Variants in ASS1 observed in about 807,000 individuals in gnomAD.
ASS1 encodes argininosuccinate synthase 1, also known as argininosuccinate synthase.
ASS1 carries 58 observed loss-of-function variants against 60.5 expected under a neutral mutation model. The ratio of observed to expected loss-of-function variants is 0.96; its 90% CI spans 0.78 to 1.19. The LOEUF (loss-of-function observed/expected upper bound fraction) is 1.19. ASS1 is among the 50% of genes most tolerant of loss of function. The pLI is 0.00. For missense variants in ASS1, 454 were observed against 547.3 expected, an observed-to-expected ratio of 0.83 and a Z score of 1.70; for synonymous variants, 200 against 206.9, an observed-to-expected ratio of 0.97 and a Z score of 0.29.
intron 2 of ASS1, among the ~76,000 whole-genome samples, chr9:130,452,816 C>T (rs1020093850): frequency 8.5e-5 from 13 of 152,122 alleles, no homozygotes; most frequent in Non-Finnish European, 1.8e-4. Flanking sequence ...TGTGTGAAGC[C>T]ACTTCCTCAT....
Position 130,478,583 on chromosome 9 carries a change from A to G in ASS1, c.689-1133A>G, listed in dbSNP as rs1007594026. Among the ~76,000 whole-genome samples the G allele has an allele frequency of 1.3e-5, 2 of 152,214 alleles. No homozygotes were observed. The highest frequency in any genetic ancestry group is 4.8e-5 in the African/African-American group (2 of 41,454). On this transcript the variant is annotated intron_variant, in intron 9 of 14. Transcript: ENST00000352480. This position sits in a 1 kb window ranked among gnomAD's most constrained non-coding sequence, Gnocchi z 4.7. Reference sequence around the variant, plus strand: ...TTAATTTATTTGAAGTTTTAATCTAATTATTAACTATTTTAAAGGCTAAGA... The same window carrying G: ...TTAATTTATTTGAAGTTTTAATCTAGTTATTAACTATTTTAAAGGCTAAGA...
intron 13 of ASS1, among the ~76,000 whole-genome samples, chr9:130,498,861 C>A (rs1233610220): frequency 6.6e-6 from 1 of 152,128 alleles, no homozygotes; most frequent in Non-Finnish European, 1.5e-5. Context: ...GCTGGTGAGT[C>A]TGAGAGGTGG....
At position 130,452,219 on chromosome 9, in the gene ASS1, G is replaced by T. The variant is rs775002813; in HGVS notation, c.-5-5G>T. On this transcript the variant is annotated splice_region_variant and splice_polypyrimidine_tract_variant and intron_variant, in intron 1 of 14. Coordinates refer to ENST00000352480, the MANE Select transcript of ASS1 (RefSeq NM_054012.4). ...TCACTCAGGTTGTTCCTCGACTCCC[G>T]CCAGACGCTATGTCCAGCAAAGGCT... 2 of 1,613,696 alleles carry T rather than the reference G, an allele frequency of 1.2e-6. No homozygotes were observed. The highest frequency in any genetic ancestry group is 3.3e-5 in the Admixed American group (2 of 59,982).
chr9:130,462,578 C>A lies in ASS1; in HGVS notation c.364-1533C>A, dbSNP rs368996233. On this transcript the variant is annotated intron_variant, in intron 4 of 14. Transcript: ENST00000352480. ...CTGGATGGGCAGACAGCAGCCCAGC[C>A]GTGCCTGGCTGGTGAGGCACAAGCC... Among the ~76,000 whole-genome samples the A allele has an allele frequency of 4.6e-5, 7 of 152,288 alleles. No homozygotes were observed. The East Asian group carries it at 1.4e-3, about 29-fold the overall frequency.
intron 11 of ASS1, among the ~76,000 whole-genome samples, chr9:130,483,490 A>G (rs1846219775): frequency 6.7e-6 from 1 of 148,310 alleles, no homozygotes; most frequent in African/African-American, 2.5e-5. Flanking sequence ...GGCTGTTCAC[A>G]TGTCATTATC....
intron 8 of ASS1, among the ~76,000 whole-genome samples, chr9:130,474,391 G>A (rs1253892319): frequency 1.3e-5 from 2 of 152,104 alleles, no homozygotes; most frequent in Non-Finnish European, 2.9e-5. Context: ...TTCGGTCTGG[G>A]GCTCCCTCAG....
At chr9:130,454,987 T>C (rs1212195039) in intron 3 of ASS1, among the ~76,000 whole-genome samples, 9 of 123,004 alleles carry the variant, frequency 7.3e-5, no homozygotes, top group African/African-American at 1.3e-4. Flanking sequence ...CTCCGTCCAT[T>C]CATCCATCAT....
intron 12 of ASS1, among the ~76,000 whole-genome samples, chr9:130,492,971 G>A (rs1846485219): frequency 1.3e-5 from 2 of 152,136 alleles, no homozygotes. Context: ...TAAAGCCCAG[G>A]CCAGTTGCTC....
At chr9:130,471,901 G>A (rs1211555865) in intron 8 of ASS1, among the ~76,000 whole-genome samples, 1 of 152,136 alleles carries the variant, frequency 6.6e-6, no homozygotes, top group Non-Finnish European at 1.5e-5. Flanking sequence ...TTTTGGTTGT[G>A]GGGGGTGGGG....
intron 1 of ASS1, among the ~76,000 whole-genome samples, chr9:130,450,624 C>G (rs1417420365): frequency 6.6e-6 from 1 of 152,208 alleles, no homozygotes; most frequent in Non-Finnish European, 1.5e-5. Flanking sequence ...GCAGGTGGGA[C>G]CGTGCAGCAT....
chr9:130,491,883 C>T lies in ASS1; in HGVS notation c.970+2419C>T, dbSNP rs528201367. ...TGCAGGGCCCCACAAACATCAAGAT[C>T]GGCCTCGGGCAGCAGGCTGACCCCC... On this transcript the variant is annotated intron_variant, in intron 12 of 14. Transcript: ENST00000352480. The surrounding 1 kb of genome is among the most constrained non-coding windows in gnomAD (Gnocchi z 5.3). Among the ~76,000 whole-genome samples the T allele has an allele frequency of 3.3e-5, 5 of 152,316 alleles. No homozygotes were observed. Among genetic ancestry groups the T allele is most frequent in the East Asian group, 3.9e-4 (2 of 5,178 alleles).
Position 130,457,931 on chromosome 9 carries a change from G to A in ASS1, c.175-470G>A, listed in dbSNP as rs758479441. 1.5e-4 allele frequency among the ~76,000 whole-genome samples: 23 copies of A among 152,296 alleles called. 1 individual carries two copies. The highest frequency in any genetic ancestry group is 1.0e-3 in the Admixed American group (16 of 15,304). On this transcript the variant is annotated intron_variant, in intron 3 of 14. Coordinates refer to ENST00000352480, the MANE Select transcript of ASS1 (RefSeq NM_054012.4). ...CCCAGCACTTTGGGAGGCCGAGGCA[G>A]CTGGATCACCTGAGGTCAGGGGTTC...
rs560311051 is a variant in ASS1 at position 130,488,604 on chromosome 9, G to A, written c.839-729G>A. 1.3e-5 allele frequency among the ~76,000 whole-genome samples: 2 copies of A among 152,334 alleles called. No homozygotes were observed. Among genetic ancestry groups the A allele is most frequent in the East Asian group, 3.9e-4 (2 of 5,192 alleles). ...GGTTGTTTTCCAAATGGAGGGACTG[G>A]GCCTGAGGTCACAAGAGGGGACTTG... On this transcript the variant is annotated intron_variant, in intron 11 of 14. Transcript: ENST00000352480. This position sits in a 1 kb window ranked among gnomAD's most constrained non-coding sequence, Gnocchi z 5.2.
At position 130,476,957 on chromosome 9, in the gene ASS1, AAAAGGTAT is replaced by A. The variant is rs1846037390; in HGVS notation, c.685_688+4del. 6.2e-7 allele frequency: 1 copy of A among 1,613,762 alleles called. No homozygotes were observed. Among genetic ancestry groups the A allele is most frequent in the Non-Finnish European group, 8.5e-7 (1 of 1,179,848 alleles). On this transcript the variant is annotated splice_donor_variant and splice_donor_region_variant and coding_sequence_variant and intron_variant, in exon 9 of 15. Transcript: ENST00000352480. LOFTEE classifies it high-confidence loss of function. The surrounding 1 kb of genome is among the most constrained non-coding windows in gnomAD (Gnocchi z 4.9). Reference sequence around the variant, plus strand: ...CTGACATTCTCGAGATCGAGTTCAAAAAAGGTATGTGCCCACCTGTTGGGACTCGAAGG... The same window carrying A: ...CTGACATTCTCGAGATCGAGTTCAAAGTGCCCACCTGTTGGGACTCGAAGG...
chr9:130,445,166 C>T, intron 1 of ASS1, 171 bp downstream of exon 1: 1 of 985,440 alleles, frequency 1.0e-6, no homozygotes, highest in Non-Finnish European at 1.2e-6. Flanking sequence ...GGAAGGGGCT[C>T]CCGATGCTCA....
At chr9:130,484,815 AC>A (rs1846266128) in intron 11 of ASS1, among the ~76,000 whole-genome samples, 6 of 151,960 alleles carry the variant, frequency 3.9e-5, no homozygotes, top group Non-Finnish European at 8.8e-5. Flanking sequence ...ACACACACAC[AC>A]ACACACACAC....
At chr9:130,467,577 C>G (rs781629151) in intron 6 of ASS1, among the ~76,000 whole-genome samples, 10 of 152,146 alleles carry the variant, frequency 6.6e-5, no homozygotes, top group African/African-American at 2.4e-4. Context: ...CTGCCCCCGC[C>G]GCCAGCAACC....
intron 4 of ASS1, among the ~76,000 whole-genome samples, chr9:130,463,270 C>T (rs1295207376): frequency 6.6e-6 from 1 of 152,256 alleles, no homozygotes; most frequent in Non-Finnish European, 1.5e-5. Flanking sequence ...ACGTGCGCGG[C>T]CATTTTCTCT....
chr9:130,459,082 C>T lies in ASS1; in HGVS notation c.363+493C>T, dbSNP rs59303865. On this transcript the variant is annotated intron_variant, in intron 4 of 14. Coordinates refer to ENST00000352480, the MANE Select transcript of ASS1 (RefSeq NM_054012.4). The surrounding 1 kb of genome is among the most constrained non-coding windows in gnomAD (Gnocchi z 4.6). ...CATGCCATGTCTTAGTTTCCCAGGG[C>T]GAGGGTAACAAAATGTCTCAAACTG... Among the ~76,000 whole-genome samples the T allele has an allele frequency of 5.1e-3, 771 of 152,260 alleles. 9 individuals are homozygous for T. Among genetic ancestry groups the T allele is most frequent in the African/African-American group, 0.018 (746 of 41,550 alleles).
Sources: gnomAD v4.1 joint callset for allele counts (sites outside exome capture counted in the v4.1 genomes callset) on GRCh38, gnomAD v4.1.1 for gene constraint, Gnocchi (gnomAD v3.1) non-coding constraint, MANE v1.5 for transcripts, NCBI Gene and HGNC (gene_info 2026-07-23, HGNC 2026-07-21) for gene names.